The following PTPRD variants were observed in gnomAD, a reference collection of about 807,000 sequenced individuals.
The protein encoded by PTPRD is receptor-type tyrosine-protein phosphatase delta.
In PTPRD, 34 loss-of-function variants were observed where a neutral mutation model predicts 214.5. The ratio of observed to expected loss-of-function variants is 0.16; its 90% CI spans 0.12 to 0.21. The LOEUF is 0.21. Among genes scored for constraint, PTPRD ranks in the 10% least tolerant of loss-of-function variants. The probability of loss-of-function intolerance (pLI) is 1.00; values close to 1 mark genes in which losing one functional copy is unlikely to be tolerated. For synonymous variants in PTPRD, 1,128 were observed against 845.7 expected (o/e 1.33, Z -5.79); for missense variants, 2,545 against 2,398.7 (o/e 1.06, Z -1.27).
intron 5 of PTPRD, among the ~76,000 whole-genome samples, chr9:9,891,272 C>T (rs1231954666): frequency 6.6e-6 from 1 of 151,892 alleles, no homozygotes; most frequent in Non-Finnish European, 1.5e-5. Context: ...AAGAAATATG[C>T]AATAAACTCC....
chr9:9,502,693 A>T (rs1324032613), intron 8 of PTPRD, among the ~76,000 whole-genome samples: 1 of 151,900 alleles, frequency 6.6e-6, no homozygotes, highest in Non-Finnish European at 1.5e-5. Context: ...CCAGATTTTC[A>T]ACTGCAGAAT....
intron 7 of PTPRD, among the ~76,000 whole-genome samples, chr9:9,685,965 TG>T (rs1375698347): frequency 6.6e-6 from 1 of 151,390 alleles, no homozygotes; most frequent in African/African-American, 2.4e-5. Context: ...TCCAATTTTT[TG>T]GAAGTATTGG....
intron 9 of PTPRD, among the ~76,000 whole-genome samples, chr9:9,390,802 A>G (rs137910067): frequency 6.3e-4 from 96 of 152,284 alleles, no homozygotes; most frequent in African/African-American, 2.2e-3. Flanking sequence ...AAGAGTTATT[A>G]ATACATTAGT....
chr9:8,435,739 G>A (rs556995267), intron 35 of PTPRD, among the ~76,000 whole-genome samples: 47 of 150,602 alleles, frequency 3.1e-4, no homozygotes, highest in Admixed American at 1.4e-3. Flanking sequence ...ACGCACGCAC[G>A]TGCATACACA....
In PTPRD at chr9:10,105,868, A is replaced by G. The variant is rs561343713; in HGVS notation, c.-544-72078T>C. 3.0e-4 allele frequency among the ~76,000 whole-genome samples: 46 copies of G among 151,782 alleles called. No homozygotes were observed. The East Asian group carries it at 8.6e-3, about 28-fold the overall frequency. On this transcript the variant is annotated intron_variant, in intron 3 of 45. Coordinates refer to ENST00000381196, the MANE Select transcript of PTPRD (RefSeq NM_002839.4). ...AGGGAAAGGTAGCCAAGGGTCTTAC[A>G]TGACATTGAATATGCTTTTTACTTG...
intron 2 of PTPRD, among the ~76,000 whole-genome samples, chr9:10,453,115 G>A (rs1329071955): frequency 6.6e-6 from 1 of 151,292 alleles, no homozygotes; most frequent in Non-Finnish European, 1.5e-5. Context: ...TCTTGTCAAG[G>A]ATTAGTTGCC....
At chr9:9,142,816 GTTCA>G (rs2099862547) in intron 10 of PTPRD, among the ~76,000 whole-genome samples, 1 of 152,014 alleles carries the variant, frequency 6.6e-6, no homozygotes, top group South Asian at 2.1e-4. Flanking sequence ...GCTCCTCTCA[GTTCA>G]TTCTTTTCAT....
At chr9:9,366,781 G>A (rs2058007322) in intron 9 of PTPRD, among the ~76,000 whole-genome samples, 2 of 151,002 alleles carry the variant, frequency 1.3e-5, no homozygotes, top group Admixed American at 6.6e-5. Flanking sequence ...GACAAAATAA[G>A]GTCCTCATTA....
At chr9:9,445,763 A>T (rs913447531) in intron 8 of PTPRD, among the ~76,000 whole-genome samples, 3 of 152,128 alleles carry the variant, frequency 2.0e-5, no homozygotes, top group African/African-American at 7.2e-5. Context: ...ACTATAATTC[A>T]GGATGAGATT....
At chr9:8,759,778 G>A (rs1197974685) in intron 11 of PTPRD, among the ~76,000 whole-genome samples, 1 of 151,838 alleles carries the variant, frequency 6.6e-6, no homozygotes, top group Non-Finnish European at 1.5e-5. Flanking sequence ...ATTCTCTCCT[G>A]GTCCTATAAT....
chr9:10,094,742 T>G (rs911603195), intron 3 of PTPRD, among the ~76,000 whole-genome samples: 1 of 151,378 alleles, frequency 6.6e-6, no homozygotes, highest in Admixed American at 6.6e-5. Flanking sequence ...ATGGCTCTCA[T>G]GGCAAAATAC....
intron 9 of PTPRD, among the ~76,000 whole-genome samples, chr9:9,378,243 T>G (rs2061320376): frequency 6.6e-6 from 1 of 152,196 alleles, no homozygotes; most frequent in Admixed American, 6.6e-5. Context: ...TCCATAATTT[T>G]GGCTTTTCCA....
At position 8,799,097 on chromosome 9, in the gene PTPRD, G is replaced by A. The variant is rs142334853; in HGVS notation, c.-103-65151C>T. On this transcript the variant is annotated intron_variant, in intron 11 of 45. Transcript: ENST00000381196. ...TATTTAATATTAATTAGAGTCCTATGGTACTATAATACTCTTTATCTACAT... is the reference window on the plus strand; with the variant it reads ...TATTTAATATTAATTAGAGTCCTATAGTACTATAATACTCTTTATCTACAT... Among the ~76,000 whole-genome samples the A allele has an allele frequency of 2.4e-3, 368 of 152,136 alleles. 1 individual carries two copies. Among genetic ancestry groups the A allele is most frequent in the African/African-American group, 8.5e-3 (352 of 41,498 alleles).
chr9:10,084,551 T>C (rs1014625966), intron 3 of PTPRD, among the ~76,000 whole-genome samples: 1 of 152,024 alleles, frequency 6.6e-6, no homozygotes, highest in Non-Finnish European at 1.5e-5. Flanking sequence ...TGGCAGTGTT[T>C]ACTGGAGTTC....
chr9:9,390,426 C>T (rs904674723), intron 9 of PTPRD, among the ~76,000 whole-genome samples: 4 of 152,092 alleles, frequency 2.6e-5, no homozygotes, highest in Admixed American at 6.6e-5. Context: ...AATACTCGTC[C>T]ACTCTATCAG....
At chr9:8,323,211 C>A (rs75407405) in intron 44 of PTPRD, among the ~76,000 whole-genome samples, 7 of 152,232 alleles carry the variant, frequency 4.6e-5, no homozygotes, top group African/African-American at 1.7e-4. Flanking sequence ...CAAGATAATA[C>A]TGCTCATTGA....
At chr9:10,397,836 T>C (rs757456394) in intron 2 of PTPRD, among the ~76,000 whole-genome samples, 15 of 152,068 alleles carry the variant, frequency 9.9e-5, no homozygotes, top group Middle Eastern at 3.4e-3. Context: ...TCTAGCTGTA[T>C]AGTAGGCAAT....
chr9:9,963,119 G>A (rs2154026959), intron 4 of PTPRD, among the ~76,000 whole-genome samples: 1 of 152,142 alleles, frequency 6.6e-6, no homozygotes, highest in South Asian at 2.1e-4. Context: ...TAGTAGAAAA[G>A]TAAATCAGGT....
At chr9:10,457,490 C>T (rs540844804) in intron 2 of PTPRD, among the ~76,000 whole-genome samples, 6 of 152,096 alleles carry the variant, frequency 3.9e-5, no homozygotes, top group African/African-American at 1.4e-4. Flanking sequence ...TGTAGCATTC[C>T]ATTTTAAGAA....
Sources: allele counts gnomAD v4.1 joint callset (sites outside exome capture counted in the v4.1 genomes callset), GRCh38; gene constraint gnomAD v4.1.1; transcripts MANE v1.5; gene names NCBI Gene and HGNC (gene_info 2026-07-23, HGNC 2026-07-21).